Variants in ATF6 observed in about 807,000 individuals in gnomAD.
ATF6 encodes cyclic AMP-dependent transcription factor ATF-6 alpha.
In ATF6, 53 loss-of-function variants were observed where a neutral mutation model predicts 83.6. The ratio of observed to expected loss-of-function variants is 0.63; its 90% CI spans 0.51 to 0.80. The LOEUF (loss-of-function observed/expected upper bound fraction) is 0.80, where lower values mean the gene tolerates loss of function less well. Ranked by LOEUF, ATF6 falls within the 30% of genes least tolerant of loss-of-function variation. The pLI, the probability that ATF6 is intolerant of heterozygous loss-of-function variation, is 0.00. For synonymous variants in ATF6, 288 were observed against 285.8 expected, an observed-to-expected ratio of 1.01 and a Z score of -0.08; for missense variants, 744 against 797.9, an observed-to-expected ratio of 0.93 and a Z score of 0.81.
At chr1:161,837,530 T>C (rs1686252775) in intron 9 of ATF6, among the ~76,000 whole-genome samples, 2 of 152,212 alleles carry the variant, frequency 1.3e-5, no homozygotes, top group African/African-American at 4.8e-5. Flanking sequence ...AGACGATCTA[T>C]GTACCTTATA....
chr1:161,902,846 GT>G (rs752090728), intron 14 of ATF6, among the ~76,000 whole-genome samples: 28 of 152,152 alleles, frequency 1.8e-4, no homozygotes, highest in Non-Finnish European at 3.8e-4. Flanking sequence ...AAGGAGGTGT[GT>G]TTGGTGGGAA....
At chr1:161,944,234 A>G (rs1487609506) in intron 15 of ATF6, among the ~76,000 whole-genome samples, 1 of 152,196 alleles carries the variant, frequency 6.6e-6, no homozygotes, top group Non-Finnish European at 1.5e-5. Context: ...TGCACTTTTA[A>G]AATAATTTTT....
intron 14 of ATF6, among the ~76,000 whole-genome samples, chr1:161,906,034 C>T (rs1687871941): frequency 6.6e-6 from 1 of 152,086 alleles, no homozygotes; most frequent in South Asian, 2.1e-4. Context: ...GGGGTTTCAC[C>T]ATGTTAGCCA....
intron 14 of ATF6, among the ~76,000 whole-genome samples, chr1:161,908,413 A>C (rs1223519772): frequency 6.6e-6 from 1 of 152,222 alleles, no homozygotes; most frequent in African/African-American, 2.4e-5. Flanking sequence ...ATTGCTTGGA[A>C]GAGGGAATTG....
At chr1:161,926,942 T>C (rs1452722044) in intron 15 of ATF6, among the ~76,000 whole-genome samples, 3 of 152,174 alleles carry the variant, frequency 2.0e-5, no homozygotes. Context: ...TTTTATACTA[T>C]AAATTATGAT....
chr1:161,782,089 C>A, intron 3 of ATF6, 90 bp downstream of exon 3: 2 of 837,104 alleles, frequency 2.4e-6, no homozygotes, highest in Non-Finnish European at 3.8e-6. Flanking sequence ...GGTTATTGGG[C>A]TATTCTGGTA....
At chr1:161,909,181 C>T (rs775157334) in intron 14 of ATF6, among the ~76,000 whole-genome samples, 3 of 152,298 alleles carry the variant, frequency 2.0e-5, no homozygotes, top group Middle Eastern at 3.4e-3. Flanking sequence ...ACTTAATCAT[C>T]GGGATCCCTG....
At chr1:161,921,025 C>G (rs1688204353) in intron 15 of ATF6, among the ~76,000 whole-genome samples, 1 of 152,100 alleles carries the variant, frequency 6.6e-6, no homozygotes. Flanking sequence ...GCCACCGTGC[C>G]TGGCCATCCG....
chr1:161,878,130 T>C (rs1439492839), intron 14 of ATF6, among the ~76,000 whole-genome samples: 1 of 152,060 alleles, frequency 6.6e-6, no homozygotes, highest in Non-Finnish European at 1.5e-5. Flanking sequence ...ATTTATTTAT[T>C]TGGAGACGAG....
At chr1:161,873,374 G>A (rs922230581) in intron 14 of ATF6, among the ~76,000 whole-genome samples, 2 of 151,398 alleles carry the variant, frequency 1.3e-5, no homozygotes, top group African/African-American at 4.8e-5. Context: ...CCTTTCTTAT[G>A]ATGTCACAAA....
intron 15 of ATF6, among the ~76,000 whole-genome samples, chr1:161,925,662 C>A (rs1234049844): frequency 1.3e-5 from 2 of 152,136 alleles, no homozygotes; most frequent in East Asian, 3.8e-4. Flanking sequence ...ATTCAATATT[C>A]TTTGTTATTC....
At chr1:161,805,344 A>G (rs1467666629) in intron 7 of ATF6, among the ~76,000 whole-genome samples, 1 of 152,206 alleles carries the variant, frequency 6.6e-6, no homozygotes, top group Non-Finnish European at 1.5e-5. Flanking sequence ...AGGATTATAA[A>G]GAAAGATTCA....
At position 161,802,277 on chromosome 1, in the gene ATF6, G is replaced by A. The variant is rs760415492; in HGVS notation, c.909+5G>A. The A allele has an allele frequency of 3.1e-6, 5 of 1,612,552 alleles. No individual in the cohort carries two copies. In the Admixed American group the frequency reaches 5.0e-5, roughly 16 times the overall value. ...ATGAGAAATGTCGGTTCAGATGTAA[G>A]TTTTGAAACTTAGTGCTTCTCTTAA... is the stretch of plus-strand genomic sequence containing the variant. On this transcript the variant is annotated splice_donor_5th_base_variant and intron_variant, in intron 7 of 15. Transcript: ENST00000367942.
At chr1:161,893,320 C>T (rs1571219488) in intron 14 of ATF6, among the ~76,000 whole-genome samples, 1 of 152,006 alleles carries the variant, frequency 6.6e-6, no homozygotes, top group African/African-American at 2.4e-5. Flanking sequence ...GCATGTGACA[C>T]CATGCCCAGC....
chr1:161,803,686 T>TA (rs1055934948), intron 7 of ATF6, among the ~76,000 whole-genome samples: 2 of 152,084 alleles, frequency 1.3e-5, no homozygotes, highest in African/African-American at 4.8e-5. Context: ...TACAATATGT[T>TA]AAAAAAATGA....
intron 15 of ATF6, among the ~76,000 whole-genome samples, chr1:161,914,324 T>C (rs1688048137): frequency 6.6e-6 from 1 of 152,126 alleles, no homozygotes; most frequent in African/African-American, 2.4e-5. Flanking sequence ...ACTACAACTT[T>C]CAAATTATTT....
intron 14 of ATF6, among the ~76,000 whole-genome samples, chr1:161,885,952 A>T (rs1462750291): frequency 6.6e-6 from 1 of 152,236 alleles, no homozygotes; most frequent in Non-Finnish European, 1.5e-5. Flanking sequence ...GTTTTATAGA[A>T]GTCATTTCAT....
intron 1 of ATF6, among the ~76,000 whole-genome samples, chr1:161,766,786 C>T (rs796364941): frequency 6.6e-6 from 1 of 152,184 alleles, no homozygotes; most frequent in South Asian, 2.1e-4. Context: ...CAAGCTATTT[C>T]CTGAGTGTGA....
intron 7 of ATF6, among the ~76,000 whole-genome samples, chr1:161,809,496 A>G (rs551798774): frequency 5.4e-4 from 83 of 152,340 alleles, no homozygotes; most frequent in Admixed American, 2.6e-4. Flanking sequence ...TAGTGCTGCA[A>G]TAAACATAAG....
Sources: allele counts gnomAD v4.1 joint callset (sites outside exome capture counted in the v4.1 genomes callset), GRCh38; gene constraint gnomAD v4.1.1; transcripts MANE v1.5; gene names NCBI Gene and HGNC (gene_info 2026-07-23, HGNC 2026-07-21).